FSTL4: variants seen among roughly 807,000 people sequenced by gnomAD.
FSTL4 encodes follistatin like 4.
In FSTL4, 28 loss-of-function variants were observed where a neutral mutation model predicts 78.2. That is an observed-to-expected ratio of 0.36 (90% CI 0.27 to 0.49). The LOEUF (loss-of-function observed/expected upper bound fraction) is 0.49. Ranked by LOEUF, FSTL4 falls within the 20% of genes least tolerant of loss-of-function variation. The pLI is 0.98. For missense variants in FSTL4, 922 were observed against 1,084.9 expected, an observed-to-expected ratio of 0.85 and a Z score of 2.11; for synonymous variants, 422 against 440.5, an observed-to-expected ratio of 0.96 and a Z score of 0.53.
At position 133,505,317 on chromosome 5, in the gene FSTL4, T is replaced by C. The variant is rs1016367125; in HGVS notation, c.160+61869A>G. On this transcript the variant is annotated intron_variant, in intron 3 of 15. Coordinates refer to ENST00000265342, the MANE Select transcript of FSTL4 (RefSeq NM_015082.2). Reference sequence around the variant, plus strand: ...TAAACATAGCAGAACAGGCATTGTGTCTGAGGTTAAAGAACAGAGGAGGTT... The same window carrying C: ...TAAACATAGCAGAACAGGCATTGTGCCTGAGGTTAAAGAACAGAGGAGGTT... Among the ~76,000 whole-genome samples, 20 of 152,330 alleles carry C rather than the reference T, an allele frequency of 1.3e-4. No individual in the cohort carries two copies. The East Asian group carries it at 3.9e-3, about 29-fold the overall frequency.
chr5:133,380,916 G>A (rs751959173), intron 4 of FSTL4, among the ~76,000 whole-genome samples: 5 of 152,054 alleles, frequency 3.3e-5, no homozygotes, highest in Non-Finnish European at 7.4e-5. Context: ...TCCCAGGAAT[G>A]TAAGATTGGT....
At chr5:133,697,020 G>A in the FSTL4 span, among the ~76,000 whole-genome samples, 3 of 152,202 alleles carry the variant, frequency 2.0e-5, no homozygotes, top group Admixed American at 1.3e-4. Flanking sequence ...CGCAGTGCCC[G>A]AAACACAGGG....
At chr5:133,283,797 G>T (rs978874077) in intron 6 of FSTL4, among the ~76,000 whole-genome samples, 2 of 152,194 alleles carry the variant, frequency 1.3e-5, no homozygotes, top group African/African-American at 4.8e-5. Flanking sequence ...GGTTATTGAT[G>T]AAGAACAGAG....
chr5:133,706,645 C>A, the FSTL4 span, among the ~76,000 whole-genome samples: 3 of 152,324 alleles, frequency 2.0e-5, no homozygotes, highest in East Asian at 5.8e-4. Flanking sequence ...CCACCCTTTA[C>A]TGTGCAAATT....
At chr5:133,797,154 C>T in the FSTL4 span, among the ~76,000 whole-genome samples, 2 of 152,188 alleles carry the variant, frequency 1.3e-5, no homozygotes. Flanking sequence ...CAGTCAGATT[C>T]CAGTTTGGTT....
At chr5:133,580,744 T>C (rs1760383967) in intron 2 of FSTL4, among the ~76,000 whole-genome samples, 1 of 152,220 alleles carries the variant, frequency 6.6e-6, no homozygotes, top group African/African-American at 2.4e-5. Context: ...AGCCTCTCTC[T>C]TCACTGTCAT....
the FSTL4 span, among the ~76,000 whole-genome samples, chr5:133,700,773 T>C: frequency 6.6e-6 from 1 of 152,234 alleles, no homozygotes; most frequent in Admixed American, 6.5e-5. Context: ...ACACATGACC[T>C]ACCTCACTGG....
At chr5:133,734,263 T>C in the FSTL4 span, among the ~76,000 whole-genome samples, 1 of 152,100 alleles carries the variant, frequency 6.6e-6, no homozygotes. Context: ...ACAAACCAAT[T>C]GTAAAGGCAT....
chr5:133,615,758 T>A (rs757816175), upstream of FSTL4, among the ~76,000 whole-genome samples: 2 of 152,198 alleles, frequency 1.3e-5, no homozygotes, highest in Admixed American at 6.5e-5. Context: ...TACATAATTG[T>A]TTTTAACTTT....
chr5:133,234,568 C>T (rs1342939982), intron 7 of FSTL4, among the ~76,000 whole-genome samples: 13 of 152,180 alleles, frequency 8.5e-5, no homozygotes, highest in Non-Finnish European at 1.5e-5. Context: ...CTACAGAGAG[C>T]CCTCATCAGG....
the FSTL4 span, among the ~76,000 whole-genome samples, chr5:133,725,047 AC>A: frequency 6.6e-6 from 1 of 152,140 alleles, no homozygotes; most frequent in Non-Finnish European, 1.5e-5. Flanking sequence ...GGATTTCTGG[AC>A]CCTATTCCAT....
chr5:133,653,842 G>A, the FSTL4 span, among the ~76,000 whole-genome samples: 7 of 152,160 alleles, frequency 4.6e-5, no homozygotes, highest in African/African-American at 1.7e-4. Flanking sequence ...ATGCACACAT[G>A]GCTGCTCATG....
the FSTL4 span, among the ~76,000 whole-genome samples, chr5:133,757,303 T>C: frequency 6.1e-3 from 936 of 152,360 alleles, 6 homozygotes; most frequent in Non-Finnish European, 0.01. Context: ...AATATAAACA[T>C]TTATCAATGA....
the FSTL4 span, among the ~76,000 whole-genome samples, chr5:133,837,460 T>C: frequency 6.6e-6 from 1 of 152,202 alleles, no homozygotes; most frequent in Non-Finnish European, 1.5e-5. Context: ...CCTAGTTATT[T>C]CTTTACTGGA....
rs763664448 is a variant in FSTL4, at chr5:133,249,449, G to A, written c.855C>T (p.Asn285=). The part of the protein sequence containing the change: ...DLRPPIIWKR[N]GLTLNFLDLE... The stretch of plus-strand genomic sequence containing the variant: ...AGTCCAGGAAGTTCAGGGTGAGCCC[G>A]TTGCGCTTCCAGATGATTGGTGGCC... Residue 285 remains asparagine (N), a synonymous_variant, in exon 7 of 16, where the codon AAC becomes AAT. Transcript: ENST00000265342. 1.2e-5 allele frequency: 19 copies of A among 1,613,808 alleles called. No individual in the cohort carries two copies. Among genetic ancestry groups the A allele is most frequent in the African/African-American group, 4.0e-5 (3 of 74,936 alleles).
intron 4 of FSTL4, among the ~76,000 whole-genome samples, chr5:133,349,686 C>A (rs1174825185): frequency 2.9e-5 from 3 of 102,496 alleles, no homozygotes; most frequent in Admixed American, 1.1e-4. Context: ...TGCTGCCATG[C>A]GACTGTAAAG....
intron 3 of FSTL4, among the ~76,000 whole-genome samples, chr5:133,493,764 C>G (rs1758316459): frequency 6.6e-6 from 1 of 152,164 alleles, no homozygotes; most frequent in South Asian, 2.1e-4. Flanking sequence ...CTCTAACCTT[C>G]AAGTCCAGTC....
intron 4 of FSTL4, among the ~76,000 whole-genome samples, chr5:133,337,039 G>C (rs1467274024): frequency 1.3e-5 from 2 of 152,182 alleles, no homozygotes; most frequent in Non-Finnish European, 2.9e-5. Flanking sequence ...TCTCGGGAAC[G>C]GGACACCTCT....
chr5:133,596,331 C>G (rs1266079699), intron 2 of FSTL4, among the ~76,000 whole-genome samples: 1 of 152,210 alleles, frequency 6.6e-6, no homozygotes, highest in Non-Finnish European at 1.5e-5. Context: ...TAGGCCAACT[C>G]CCTCACAGGT....
Sources: allele counts gnomAD v4.1 joint callset (sites outside exome capture counted in the v4.1 genomes callset), GRCh38; gene constraint gnomAD v4.1.1; transcripts MANE v1.5; gene names NCBI Gene and HGNC (gene_info 2026-07-23, HGNC 2026-07-21).